OCA2: variants seen among roughly 807,000 people sequenced by gnomAD.
The protein encoded by OCA2 is P protein.
Under a neutral mutation model 100.2 loss-of-function variants are expected in OCA2, and 77 were observed. The ratio of observed to expected loss-of-function variants is 0.77; its 90% CI spans 0.64 to 0.93. The LOEUF is 0.93. Among genes scored for constraint, OCA2 ranks in the 40% least tolerant of loss-of-function variants. The probability of loss-of-function intolerance (pLI) is 0.00; values close to 1 mark genes in which losing one functional copy is unlikely to be tolerated. For missense variants in OCA2, 1,062 were observed against 1,089.1 expected, an observed-to-expected ratio of 0.98 and a Z score of 0.35; for synonymous variants, 432 against 439.2, an observed-to-expected ratio of 0.98 and a Z score of 0.21.
chr15:27,879,316 AT>A (rs887325629), intron 19 of OCA2, among the ~76,000 whole-genome samples: 6 of 152,180 alleles, frequency 3.9e-5, no homozygotes, highest in Non-Finnish European at 8.8e-5. Context: ...CAGTGAACAT[AT>A]AAGTGCATGT....
At chr15:27,971,269 T>C (rs2040780435) in intron 14 of OCA2, among the ~76,000 whole-genome samples, 1 of 152,152 alleles carries the variant, frequency 6.6e-6, no homozygotes. Flanking sequence ...ACGTGGGGCA[T>C]GAAGGGAAAC....
At chr15:28,014,666 G>T in intron 9 of OCA2, 110 bp downstream of exon 9, 1 of 1,172,496 alleles carries the variant, frequency 8.5e-7, no homozygotes, top group Non-Finnish European at 1.2e-6. Flanking sequence ...GATGACACTA[G>T]TCCAGTTTGA....
chr15:27,882,192 G>A (rs766886964), intron 19 of OCA2, among the ~76,000 whole-genome samples: 9 of 152,118 alleles, frequency 5.9e-5, no homozygotes, highest in Non-Finnish European at 1.2e-4. Flanking sequence ...TTATTCTTCA[G>A]TGAAACTCCA....
At chr15:27,783,854 G>C (rs1224050518) in intron 23 of OCA2, among the ~76,000 whole-genome samples, 2 of 152,224 alleles carry the variant, frequency 1.3e-5, no homozygotes, top group African/African-American at 4.8e-5. Context: ...AGCCAGGCCT[G>C]GATCACTGTC....
chr15:27,779,297 G>A (rs377056937), intron 23 of OCA2, among the ~76,000 whole-genome samples: 1 of 152,168 alleles, frequency 6.6e-6, no homozygotes, highest in Non-Finnish European at 1.5e-5. Context: ...AGTGGTTTTC[G>A]AGTCTCCTGT....
intron 14 of OCA2, among the ~76,000 whole-genome samples, chr15:27,978,307 CAT>C (rs1253835023): frequency 6.6e-6 from 1 of 152,150 alleles, no homozygotes; most frequent in Non-Finnish European, 1.5e-5. Context: ...TCAACTAGGT[CAT>C]GTTAGTTAAC....
At chr15:27,771,915 T>C (rs1417305564) in intron 23 of OCA2, among the ~76,000 whole-genome samples, 1 of 152,244 alleles carries the variant, frequency 6.6e-6, no homozygotes, top group Non-Finnish European at 1.5e-5. Flanking sequence ...CTTGCCTTCA[T>C]GTGGTTCAGC....
At chr15:27,781,917 A>T (rs1175627876) in intron 23 of OCA2, among the ~76,000 whole-genome samples, 2 of 152,242 alleles carry the variant, frequency 1.3e-5, no homozygotes. Flanking sequence ...GATCTGCTGG[A>T]GTTAACTCCT....
chr15:27,965,242 C>T (rs1293786104), intron 15 of OCA2, among the ~76,000 whole-genome samples: 1 of 152,154 alleles, frequency 6.6e-6, no homozygotes, highest in East Asian at 1.9e-4. Flanking sequence ...TTCACTCTCC[C>T]TTAGTTCTAA....
At chr15:27,862,128 G>A (rs112653469) in intron 21 of OCA2, among the ~76,000 whole-genome samples, 6 of 152,244 alleles carry the variant, frequency 3.9e-5, no homozygotes, top group East Asian at 3.9e-4. Flanking sequence ...AAGCGTGATC[G>A]TCAGCCTCAA....
At chr15:27,793,192 A>G (rs189647682) in intron 23 of OCA2, among the ~76,000 whole-genome samples, 2 of 152,194 alleles carry the variant, frequency 1.3e-5, no homozygotes, top group Non-Finnish European at 2.9e-5. Context: ...CTATTACAGG[A>G]TGCTTTTTCC....
chr15:27,793,221 T>C (rs2151137019), intron 23 of OCA2, among the ~76,000 whole-genome samples: 1 of 152,318 alleles, frequency 6.6e-6, no homozygotes, highest in Middle Eastern at 3.4e-3. Flanking sequence ...CAGAAAAGTA[T>C]CACGTATGTA....
intron 17 of OCA2, among the ~76,000 whole-genome samples, chr15:27,952,416 C>T (rs1319499467): frequency 1.3e-5 from 2 of 152,224 alleles, no homozygotes; most frequent in Admixed American, 6.5e-5. Context: ...CCTCATCCTC[C>T]GCAAGGCCTC....
In OCA2 at chr15:27,756,364, A is replaced by G. The variant is rs1057391498; in HGVS notation, c.2433-892T>C. Among the ~76,000 whole-genome samples, 11 of 152,362 alleles carry G rather than the reference A, an allele frequency of 7.2e-5. 1 individual carries two copies. The highest frequency in any genetic ancestry group is 3.9e-4 in the East Asian group (2 of 5,186). ...GCAAGGGTTCCTCAACAGAGCTACA[A>G]TTAAACACAAAAACTGATTCCATGA... On this transcript the variant is annotated intron_variant, in intron 23 of 23. Transcript: ENST00000354638.
intron 14 of OCA2, among the ~76,000 whole-genome samples, chr15:27,982,171 A>G (rs995152061): frequency 5.9e-5 from 9 of 152,134 alleles, no homozygotes; most frequent in African/African-American, 2.2e-4. Flanking sequence ...ATCTATATCC[A>G]CATACAAACA....
At chr15:27,925,022 A>C (rs1486639189) in intron 19 of OCA2, among the ~76,000 whole-genome samples, 1 of 152,218 alleles carries the variant, frequency 6.6e-6, no homozygotes, top group Admixed American at 6.5e-5. Context: ...ATAAAGTTCA[A>C]TTCATTTGGA....
At chr15:27,858,900 A>G (rs1019870162) in intron 21 of OCA2, among the ~76,000 whole-genome samples, 1 of 152,096 alleles carries the variant, frequency 6.6e-6, no homozygotes, top group Non-Finnish European at 1.5e-5. Flanking sequence ...AAGGAAAAAG[A>G]GAAAATTTAC....
the OCA2 span, among the ~76,000 whole-genome samples, chr15:27,730,941 G>A: frequency 6.6e-6 from 1 of 151,582 alleles, no homozygotes; most frequent in Non-Finnish European, 1.5e-5. Context: ...TAATTCTAAA[G>A]CCTGTGTTTT....
intron 15 of OCA2, among the ~76,000 whole-genome samples, chr15:27,960,952 G>A (rs2040391477): frequency 6.6e-6 from 1 of 151,260 alleles, no homozygotes; most frequent in African/African-American, 2.4e-5. Context: ...ATTGACAAAT[G>A]GGATCTAATT....
Sources: gnomAD v4.1 joint callset for allele counts (sites outside exome capture counted in the v4.1 genomes callset) on GRCh38, gnomAD v4.1.1 for gene constraint, MANE v1.5 for transcripts, NCBI Gene and HGNC (gene_info 2026-07-23, HGNC 2026-07-21) for gene names.